PCAT7: variants seen among roughly 807,000 people sequenced by gnomAD.
PCAT7 encodes prostate cancer associated transcript 7.
intron 2 of PCAT7, chr9:94,568,394 G>A (rs1233798696): frequency 1.3e-5 from 2 of 152,186 alleles, no homozygotes; most frequent in Non-Finnish European, 2.9e-5. Flanking sequence ...ATACCCCTAT[G>A]TCTAGTTCTG....
intron 1 of PCAT7, among the ~76,000 whole-genome samples, chr9:94,555,974 G>C (rs781126221): frequency 6.8e-6 from 1 of 147,302 alleles, no homozygotes; most frequent in Non-Finnish European, 1.5e-5. Context: ...CAGACTTTGT[G>C]AAAAGATGGG....
At chr9:94,555,063 A>C (rs926850682) in exon 1 of PCAT7, 4 of 152,202 alleles carry the variant, frequency 2.6e-5, no homozygotes, top group Admixed American at 2.0e-4. Context: ...CAGTCTAGGA[A>C]CCGGCATGCG....
chr9:94,559,584 C>T (rs139211583), intron 2 of PCAT7, among the ~76,000 whole-genome samples: 1,744 of 151,398 alleles, frequency 0.012, 24 homozygotes, highest in South Asian at 0.027. Flanking sequence ...TCTCTGGGGA[C>T]AGCCACAGTG....
intron 2 of PCAT7, chr9:94,563,444 A>G (rs41281154): frequency 0.043 from 69,611 of 1,613,684 alleles, 3,726 homozygotes; most frequent in African/African-American, 0.22. Flanking sequence ...ACCTGGCCCC[A>G]TAGGGAGCAC....
chr9:94,564,677 G>GC (rs1827160122), intron 2 of PCAT7, among the ~76,000 whole-genome samples: 1 of 152,052 alleles, frequency 6.6e-6, no homozygotes, highest in South Asian at 2.1e-4. Context: ...GAGGGAGGGA[G>GC]GAGGGGGAGG....
intron 2 of PCAT7, chr9:94,569,164 T>C (rs58468262): frequency 6.6e-6 from 1 of 152,190 alleles, no homozygotes; most frequent in Admixed American, 6.5e-5. Context: ...CTGGGCCTCT[T>C]GTAGGCCAAG....
rs188519022 is a variant in PCAT7 at position 94,562,121 on chromosome 9, C to A, written n.441+2969C>A. 1.2e-4 allele frequency among the ~76,000 whole-genome samples: 18 copies of A among 152,026 alleles called. No homozygotes were observed. In the East Asian group the frequency reaches 3.1e-3, roughly 26 times the overall value. The stretch of plus-strand genomic sequence containing the variant: ...GGTCAGGAGATCGAGACCATCCTGG[C>A]TAACATGGTGAAACCCCGTCTCTAC... On this transcript the variant is annotated intron_variant and non_coding_transcript_variant, in intron 2 of 8. Transcript: ENST00000647389.
At chr9:94,568,537 A>T (rs1419478912) in intron 2 of PCAT7, 1 of 152,228 alleles carries the variant, frequency 6.6e-6, no homozygotes, top group Non-Finnish European at 1.5e-5. Context: ...CAAGATTTTG[A>T]GAGTGAAAAA....
rs1362245726 is a variant in PCAT7 at position 94,561,419 on chromosome 9, G to A, written n.441+2267G>A. ...ACTCTGTCACCCAGGCTGGAGTGCA[G>A]TGGCGCGATCTCGGCTCACTGCAAG... On this transcript the variant is annotated intron_variant and non_coding_transcript_variant, in intron 2 of 8. Transcript: ENST00000647389. Among the ~76,000 whole-genome samples the A allele has an allele frequency of 2.2e-5, 3 of 133,468 alleles. No individual in the cohort carries two copies. In the East Asian group the frequency reaches 6.8e-4, roughly 30 times the overall value. 87.6% of individuals were successfully genotyped at this position (133,468 alleles called of 152,430 possible). A position where few individuals can be genotyped will look rare whatever the true frequency, so the allele number is the denominator to read the frequency against.
intron 2 of PCAT7, among the ~76,000 whole-genome samples, chr9:94,566,401 T>C (rs569272172): frequency 1.3e-5 from 2 of 152,394 alleles, no homozygotes; most frequent in South Asian, 4.1e-4. Flanking sequence ...GCACGAGTGA[T>C]CTGTGCCTTA....
chr9:94,555,261 G>C (rs147574881), exon 1 of PCAT7: 1 of 152,008 alleles, frequency 6.6e-6, no homozygotes, highest in African/African-American at 2.4e-5. Flanking sequence ...GGCGCGGCTC[G>C]CCTCGCTGCG....
At chr9:94,559,120 A>G in exon 2 of PCAT7, 2 of 1,611,808 alleles carry the variant, frequency 1.2e-6, no homozygotes, top group Non-Finnish European at 8.5e-7. Context: ...TTGCATTCAT[A>G]CAGGAGCCGG....
At chr9:94,558,358 G>A (rs976765252) in intron 1 of PCAT7, among the ~76,000 whole-genome samples, 1 of 152,038 alleles carries the variant, frequency 6.6e-6, no homozygotes, top group Non-Finnish European at 1.5e-5. Context: ...GCAATGGCGC[G>A]ATCTCGGCTC....
intron 2 of PCAT7, among the ~76,000 whole-genome samples, chr9:94,565,712 C>A (rs1035679232): frequency 1.3e-5 from 2 of 149,912 alleles, no homozygotes; most frequent in Admixed American, 1.4e-4. Flanking sequence ...AGAAATCTCT[C>A]AGTTAAAGAT....
chr9:94,559,322 A>C (rs1000112151), intron 2 of PCAT7, among the ~76,000 whole-genome samples: 2 of 152,216 alleles, frequency 1.3e-5, no homozygotes, highest in Non-Finnish European at 2.9e-5. Flanking sequence ...GATGGCACTC[A>C]TCCAGAAGCC....
intron 1 of PCAT7, among the ~76,000 whole-genome samples, chr9:94,556,273 G>A (rs890214884): frequency 2.6e-5 from 4 of 151,718 alleles, no homozygotes; most frequent in African/African-American, 7.3e-5. Context: ...GGAAAAAGAG[G>A]GTGGCCAGGG....
chr9:94,567,147 TACTG>T (rs1166367230), intron 2 of PCAT7: 3 of 945,164 alleles, frequency 3.2e-6, no homozygotes, highest in Non-Finnish European at 3.3e-6. Context: ...ATCATCTTCA[TACTG>T]ACCACAGCCA....
intron 3 of PCAT7, among the ~76,000 whole-genome samples, chr9:94,574,169 C>A (rs940562431): frequency 6.6e-6 from 1 of 152,048 alleles, no homozygotes; most frequent in African/African-American, 2.4e-5. Context: ...ATACACAATT[C>A]TCTGATCATT....
chr9:94,564,417 C>T (rs998199410), intron 2 of PCAT7, among the ~76,000 whole-genome samples: 1 of 152,192 alleles, frequency 6.6e-6, no homozygotes, highest in African/African-American at 2.4e-5. Flanking sequence ...ACCTAAATGC[C>T]CATCAGTGGT....
Sources: allele counts gnomAD v4.1 joint callset (sites outside exome capture counted in the v4.1 genomes callset), GRCh38; gene constraint gnomAD v4.1.1; transcripts MANE v1.5; gene names NCBI Gene and HGNC (gene_info 2026-07-23, HGNC 2026-07-21).